ANKRD6: variants seen among roughly 807,000 people sequenced by gnomAD.
ANKRD6 encodes the protein ankyrin repeat domain-containing protein 6.
In ANKRD6, 56 loss-of-function variants were observed where a neutral mutation model predicts 82.3. The observed-to-expected ratio is 0.68, with a 90% CI of 0.55 to 0.85. The LOEUF (loss-of-function observed/expected upper bound fraction) is 0.85. ANKRD6 is among the 40% of genes least tolerant of loss of function. The pLI is 0.00. For missense variants in ANKRD6, 852 were observed against 907.6 expected (o/e 0.94, Z 0.79); for synonymous variants, 347 against 352.1 (o/e 0.99, Z 0.16).
At chr6:89,574,278 G>A (rs1367633905) in intron 2 of ANKRD6, among the ~76,000 whole-genome samples, 1 of 151,504 alleles carries the variant, frequency 6.6e-6, no homozygotes, top group Non-Finnish European at 1.5e-5. Flanking sequence ...TCTTGCCATA[G>A]ATGTGCTGGT....
At chr6:89,522,281 C>T (rs1359941152) in intron 1 of ANKRD6, among the ~76,000 whole-genome samples, 1 of 152,178 alleles carries the variant, frequency 6.6e-6, no homozygotes, top group Admixed American at 6.5e-5. Flanking sequence ...GTCCACAACC[C>T]CTGCTGTAGG....
intron 1 of ANKRD6, among the ~76,000 whole-genome samples, chr6:89,442,341 A>C (rs1319501258): frequency 6.6e-6 from 1 of 152,016 alleles, no homozygotes; most frequent in African/African-American, 2.4e-5. Flanking sequence ...GACACCAATC[A>C]GGCTGGGTGA....
chr6:89,489,083 T>C (rs1030176971), intron 1 of ANKRD6, among the ~76,000 whole-genome samples: 2 of 152,152 alleles, frequency 1.3e-5, no homozygotes, highest in Non-Finnish European at 2.9e-5. Context: ...TGCCTTCCTC[T>C]TGGTACCGGG....
Position 89,629,157 on chromosome 6 carries a change from C to T in ANKRD6, c.1531C>T (p.Gln511Ter), listed in dbSNP as rs763413725. The change falls in exon 15 of 16, where the codon CAG becomes TAG. Residue 511 changes from glutamine (Q) to a stop codon, truncating the protein, a stop_gained. Transcript: ENST00000339746. LOFTEE classifies it high-confidence loss of function. ...ELKTWCMLKI[Q>*]NLEQKLSGDS... ...AAAAACCTGGTGCATGTTAAAGATT[C>T]AGAATCTGGAGCAGAAGCTTTCTGG... 1 of 1,613,202 alleles carries T rather than the reference C, an allele frequency of 6.2e-7. No homozygotes were observed. The highest frequency in any genetic ancestry group is 8.5e-7 in the Non-Finnish European group (1 of 1,179,686).
At chr6:89,600,580 C>T (rs1011097088) in intron 3 of ANKRD6, among the ~76,000 whole-genome samples, 1 of 152,118 alleles carries the variant, frequency 6.6e-6, no homozygotes, top group Non-Finnish European at 1.5e-5. Context: ...CAGCACTACC[C>T]TGAAAGCGTG....
At chr6:89,445,270 T>TC (rs1164115436) in intron 1 of ANKRD6, among the ~76,000 whole-genome samples, 11 of 138,354 alleles carry the variant, frequency 8.0e-5, no homozygotes, top group African/African-American at 3.0e-4. Context: ...CTTTCTTTTT[T>TC]TTTTTTTTTT....
intron 1 of ANKRD6, among the ~76,000 whole-genome samples, chr6:89,481,574 CAT>C (rs1455360671): frequency 2.0e-5 from 3 of 152,200 alleles, no homozygotes; most frequent in South Asian, 2.1e-4. Flanking sequence ...ATGTGTAACA[CAT>C]GTCATGTGCA....
At chr6:89,614,324 G>T (rs1358281117) in intron 7 of ANKRD6, among the ~76,000 whole-genome samples, 1 of 152,096 alleles carries the variant, frequency 6.6e-6, no homozygotes, top group Non-Finnish European at 1.5e-5. Context: ...GGGCAACATA[G>T]CGAGACCCTG....
chr6:89,493,315 A>G (rs1382257567), intron 1 of ANKRD6, among the ~76,000 whole-genome samples: 1 of 151,966 alleles, frequency 6.6e-6, no homozygotes, highest in Admixed American at 6.6e-5. Flanking sequence ...TTGGCTTGAG[A>G]AATATGGCTC....
chr6:89,604,075 C>T (rs897691712), intron 4 of ANKRD6, among the ~76,000 whole-genome samples: 1 of 152,154 alleles, frequency 6.6e-6, no homozygotes, highest in Non-Finnish European at 1.5e-5. Context: ...GCCTATAATC[C>T]CAACACTTTG....
At chr6:89,602,986 C>T in intron 3 of ANKRD6, 43 bp from the exon 4 acceptor site, 1 of 1,511,390 alleles carries the variant, frequency 6.6e-7, no homozygotes, top group Non-Finnish European at 9.0e-7. Flanking sequence ...GCAGGGGGTG[C>T]AGGGGAGCTG....
chr6:89,595,528 A>G lies in ANKRD6; in HGVS notation c.121-388A>G, dbSNP rs565642433. Among the ~76,000 whole-genome samples, 520 of 152,172 alleles carry G rather than the reference A, an allele frequency of 3.4e-3. 2 individuals carry two copies. Among genetic ancestry groups the G allele is most frequent in the Non-Finnish European group, 6.4e-3 (432 of 68,006 alleles). On this transcript the variant is annotated intron_variant, in intron 2 of 15. Coordinates refer to ENST00000339746, the MANE Select transcript of ANKRD6 (RefSeq NM_001242809.2). Reference sequence around the variant, plus strand: ...CTCCTCTGGGGCTGATGACCATGACATCTTGCTGTTCTCCCACCTCTTGCC... The same window carrying G: ...CTCCTCTGGGGCTGATGACCATGACGTCTTGCTGTTCTCCCACCTCTTGCC...
intron 4 of ANKRD6, among the ~76,000 whole-genome samples, chr6:89,605,344 T>G (rs1005940261): frequency 2.0e-5 from 3 of 152,202 alleles, no homozygotes; most frequent in Non-Finnish European, 2.9e-5. Flanking sequence ...ATCACACCAC[T>G]GCACTCCACT....
At chr6:89,625,779 C>T (rs74712253) in intron 13 of ANKRD6, among the ~76,000 whole-genome samples, 6,659 of 150,170 alleles carry the variant, frequency 0.044, 177 homozygotes, top group South Asian at 0.13. Flanking sequence ...GACTCTGTCA[C>T]CTAGAGTGCA....
At position 89,597,969 on chromosome 6, in the gene ANKRD6, C is replaced by A. The variant is rs1796269961; in HGVS notation, c.219+1955C>A. 1.2e-5 allele frequency: 4 copies of A among 339,554 alleles called. 1 individual carries two copies. The South Asian group carries it at 4.7e-4, about 39-fold the overall frequency. The allele number at this position is 339,554 out of a possible 1,614,324, so 21.0% of individuals were successfully genotyped here. On this transcript the variant is annotated intron_variant, in intron 3 of 15. Coordinates refer to ENST00000339746, the MANE Select transcript of ANKRD6 (RefSeq NM_001242809.2). ...AAGGAAGAAAACTCTTGATGTGTGT[C>A]CTTTAAAGAATCTAGGAGATCAGTT...
chr6:89,470,390 G>A (rs1356304777), intron 1 of ANKRD6, among the ~76,000 whole-genome samples: 1 of 152,186 alleles, frequency 6.6e-6, no homozygotes, highest in Non-Finnish European at 1.5e-5. Context: ...AGACCGAGGT[G>A]GGAGGATCGC....
intron 1 of ANKRD6, among the ~76,000 whole-genome samples, chr6:89,515,772 C>T (rs1781134955): frequency 6.6e-6 from 1 of 152,194 alleles, no homozygotes. Flanking sequence ...GGTGCCTCTC[C>T]TGGATTACTA....
chr6:89,476,889 G>T (rs1167842214), intron 1 of ANKRD6, among the ~76,000 whole-genome samples: 2 of 152,164 alleles, frequency 1.3e-5, no homozygotes, highest in African/African-American at 4.8e-5. Context: ...ATTTTTACAT[G>T]TTTTAAACTC....
At chr6:89,580,484 A>G (rs956451908) in intron 2 of ANKRD6, among the ~76,000 whole-genome samples, 6 of 152,060 alleles carry the variant, frequency 3.9e-5, no homozygotes, top group Non-Finnish European at 5.9e-5. Context: ...TGGCTGGTAA[A>G]TATTTTCCGG....
Sources: gnomAD v4.1 joint callset for allele counts (sites outside exome capture counted in the v4.1 genomes callset) on GRCh38, gnomAD v4.1.1 for gene constraint, MANE v1.5 for transcripts, NCBI Gene and HGNC (gene_info 2026-07-23, HGNC 2026-07-21) for gene names.